The following GTF2E2 variants were observed in gnomAD, a reference collection of about 807,000 sequenced individuals.
GTF2E2 encodes the protein general transcription factor IIE subunit 2, also known as transcription initiation factor IIE subunit beta.
In GTF2E2, 21 loss-of-function variants were observed where a neutral mutation model predicts 40.5. That is an observed-to-expected ratio of 0.52 (90% CI 0.37 to 0.75). GTF2E2 has a LOEUF of 0.75. Ranked by LOEUF, GTF2E2 falls within the 30% of genes least tolerant of loss-of-function variation. GTF2E2 has a pLI of 0.00. For synonymous variants in GTF2E2, 117 were observed against 121.6 expected, an observed-to-expected ratio of 0.96 and a Z score of 0.25; for missense variants, 298 against 338.4, an observed-to-expected ratio of 0.88 and a Z score of 0.94.
At chr8:30,635,549 AT>A in intron 2 of GTF2E2, among the ~76,000 whole-genome samples, 1 of 151,830 alleles carries the variant, frequency 6.6e-6, no homozygotes, top group African/African-American at 2.4e-5. Flanking sequence ...TGCCTGGCTA[AT>A]TTTTTTATTT....
chr8:30,657,727 A>C (rs1180959782), intron 1 of GTF2E2: 1 of 152,262 alleles, frequency 6.6e-6, no homozygotes, highest in African/African-American at 2.4e-5. Flanking sequence ...GAAGAGGCAC[A>C]GTCAGGCGGC....
At chr8:30,619,073 C>T (rs758127157) in intron 3 of GTF2E2, among the ~76,000 whole-genome samples, 1 of 151,974 alleles carries the variant, frequency 6.6e-6, no homozygotes, top group Non-Finnish European at 1.5e-5. Context: ...CTCCGAGTAG[C>T]TGAGACTACA....
intron 6 of GTF2E2, among the ~76,000 whole-genome samples, chr8:30,592,417 A>C (rs1828874284): frequency 6.6e-6 from 1 of 152,194 alleles, no homozygotes; most frequent in Admixed American, 6.5e-5. Flanking sequence ...GACAGTCTCC[A>C]AATATAGCTA....
At chr8:30,653,013 T>C (rs929416341) in intron 2 of GTF2E2, among the ~76,000 whole-genome samples, 10 of 152,086 alleles carry the variant, frequency 6.6e-5, no homozygotes, top group African/African-American at 2.2e-4. Context: ...AAGGCAAATA[T>C]ACAGAGCCAG....
At chr8:30,645,183 T>C (rs942482267) in intron 2 of GTF2E2, 63 of 1,042,316 alleles carry the variant, frequency 6.0e-5, no homozygotes, top group East Asian at 2.6e-5. Flanking sequence ...GGAAGATTCA[T>C]GTTGCCTATA....
chr8:30,578,973 T>G lies in GTF2E2; in HGVS notation c.824A>C (p.Glu275Ala). 6.2e-7 allele frequency: 1 copy of G among 1,611,186 alleles called. No individual in the cohort carries two copies. Residue 275 changes from glutamate (E) to alanine (A), a missense_variant, in exon 8 of 8, where the codon GAA becomes GCA. Physicochemically the swap from Glu to Ala is moderately radical, Grantham distance 107. Transcript: ENST00000355904. ...ATCCTTCAGCACTCCAGCCAAGTGT[T>G]CGTTATGAGTCTTAAAGCGTCGCTT... ...QKKRRFKTHN[E>A]HLAGVLKDYS...
intron 2 of GTF2E2, among the ~76,000 whole-genome samples, chr8:30,642,667 T>C (rs1801890170): frequency 6.6e-6 from 1 of 152,216 alleles, no homozygotes; most frequent in African/African-American, 2.4e-5. Context: ...AGAGTATATG[T>C]TTTCCCTCTT....
intron 2 of GTF2E2, among the ~76,000 whole-genome samples, chr8:30,647,253 G>C (rs1461110840): frequency 1.3e-5 from 2 of 152,068 alleles, no homozygotes; most frequent in Non-Finnish European, 2.9e-5. Context: ...ATAAATAACT[G>C]TGTGGTGAAG....
chr8:30,649,834 T>C (rs573439064), intron 2 of GTF2E2, among the ~76,000 whole-genome samples: 1 of 152,134 alleles, frequency 6.6e-6, no homozygotes, highest in Non-Finnish European at 1.5e-5. Context: ...TATAAGGGAG[T>C]ACTTTGAAAA....
At chr8:30,653,123 T>G (rs1281166275) in intron 2 of GTF2E2, among the ~76,000 whole-genome samples, 1 of 152,224 alleles carries the variant, frequency 6.6e-6, no homozygotes, top group African/African-American at 2.4e-5. Flanking sequence ...AAAATTGGAC[T>G]GTAATAACAG....
At chr8:30,639,047 T>C (rs1410827251) in intron 2 of GTF2E2, among the ~76,000 whole-genome samples, 1 of 152,230 alleles carries the variant, frequency 6.6e-6, no homozygotes. Context: ...GACTAAAGCT[T>C]TCTGATTCTA....
chr8:30,590,924 C>T (rs1036392554), intron 6 of GTF2E2, among the ~76,000 whole-genome samples: 2 of 152,104 alleles, frequency 1.3e-5, no homozygotes, highest in East Asian at 1.9e-4. Context: ...CTCCTAACCT[C>T]GGATGATCCA....
intron 2 of GTF2E2, among the ~76,000 whole-genome samples, chr8:30,645,067 T>C (rs1447329340): frequency 1.3e-5 from 2 of 152,134 alleles, no homozygotes; most frequent in Non-Finnish European, 2.9e-5. Context: ...TAAATATACA[T>C]ATTCATCTAG....
intron 7 of GTF2E2, among the ~76,000 whole-genome samples, chr8:30,580,025 C>T (rs545864227): frequency 6.6e-6 from 1 of 152,252 alleles, no homozygotes; most frequent in Non-Finnish European, 1.5e-5. Flanking sequence ...AACACACAGG[C>T]CCTGGAAGGT....
intron 2 of GTF2E2, among the ~76,000 whole-genome samples, chr8:30,647,979 G>A (rs1802152254): frequency 6.6e-6 from 1 of 152,144 alleles, no homozygotes; most frequent in Non-Finnish European, 1.5e-5. Context: ...CACTACAATG[G>A]AGCACATTGG....
chr8:30,644,340 A>C (rs911108220), intron 2 of GTF2E2, among the ~76,000 whole-genome samples: 1 of 152,140 alleles, frequency 6.6e-6, no homozygotes, highest in East Asian at 1.9e-4. Context: ...ATTTATGTCT[A>C]TGGGTCACTC....
Position 30,607,111 on chromosome 8 carries a change from T to C in GTF2E2, c.589A>G (p.Lys197Glu), listed in dbSNP as rs749706627. 1.3e-5 allele frequency: 19 copies of C among 1,497,090 alleles called. No homozygotes were observed. The highest frequency in any genetic ancestry group is 1.6e-5 in the Non-Finnish European group (17 of 1,086,476). 92.7% of individuals were successfully genotyped at this position (1,497,090 alleles called of 1,614,324 possible). A position where few individuals can be genotyped will look rare whatever the true frequency, so the allele number is the denominator to read the frequency against. The change falls in exon 6 of 8, where the codon AAG becomes GAG. Residue 197 changes from lysine (K) to glutamate (E), a missense_variant. Physicochemically the swap from Lys to Glu is moderately conservative, Grantham distance 56. Coordinates refer to ENST00000355904, the MANE Select transcript of GTF2E2 (RefSeq NM_002095.6). ...TCATTGAAGAAAAGTATTTTCTTCT[T>C]ATCGGGACGATTTACAAATAGTATC... The part of the protein sequence containing the change: ...DQILFVNRPD[K>E]KKILFFNDKS...
chr8:30,633,716 C>T (rs987717425), intron 3 of GTF2E2, among the ~76,000 whole-genome samples: 7 of 152,136 alleles, frequency 4.6e-5, no homozygotes, highest in African/African-American at 1.7e-4. Flanking sequence ...CTGAGGGTGG[C>T]ATTTTTTTCT....
chr8:30,614,165 A>G (rs981571544), intron 4 of GTF2E2, among the ~76,000 whole-genome samples: 1 of 152,258 alleles, frequency 6.6e-6, no homozygotes, highest in Non-Finnish European at 1.5e-5. Context: ...TTTGAAACAG[A>G]TAACATAAAA....
Sources: allele counts gnomAD v4.1 joint callset (sites outside exome capture counted in the v4.1 genomes callset), GRCh38; gene constraint gnomAD v4.1.1; transcripts MANE v1.5; gene names NCBI Gene and HGNC (gene_info 2026-07-23, HGNC 2026-07-21).